CLSTN2: variants seen among roughly 807,000 people sequenced by gnomAD.
The protein encoded by CLSTN2 is calsyntenin 2.
A neutral mutation model predicts 101.2 loss-of-function variants in CLSTN2; 48 were observed. The ratio of observed to expected loss-of-function variants is 0.47; its 90% CI spans 0.38 to 0.60. CLSTN2 has a LOEUF of 0.60. Ranked by LOEUF, CLSTN2 falls within the 20% of genes least tolerant of loss-of-function variation. CLSTN2 has a pLI of 0.00. For synonymous variants in CLSTN2, 481 were observed against 463.6 expected (o/e 1.04, Z -0.48); for missense variants, 1,160 against 1,238.2 (o/e 0.94, Z 0.95).
intron 2 of CLSTN2, among the ~76,000 whole-genome samples, chr3:140,179,782 A>C (rs979845947): frequency 6.6e-6 from 1 of 152,020 alleles, no homozygotes; most frequent in African/African-American, 2.4e-5. Context: ...TGAGTGTTCT[A>C]GAGTTTACCA....
At chr3:140,109,688 T>G (rs1032416218) in intron 1 of CLSTN2, among the ~76,000 whole-genome samples, 1 of 152,152 alleles carries the variant, frequency 6.6e-6, no homozygotes, top group Admixed American at 6.5e-5. Context: ...CTAAGGAAGT[T>G]CCCAGGGTTG....
At chr3:140,171,979 T>C (rs1420094610) in intron 1 of CLSTN2, among the ~76,000 whole-genome samples, 1 of 145,884 alleles carries the variant, frequency 6.9e-6, no homozygotes, top group Non-Finnish European at 1.5e-5. Flanking sequence ...TACTTATTAA[T>C]TTTTAACCAT....
intron 2 of CLSTN2, among the ~76,000 whole-genome samples, chr3:140,234,734 G>A (rs980269216): frequency 3.9e-5 from 6 of 152,134 alleles, no homozygotes; most frequent in Admixed American, 6.6e-5. Context: ...GTGGCTCTAC[G>A]TGTTTCACTT....
intron 1 of CLSTN2, among the ~76,000 whole-genome samples, chr3:139,978,938 A>G (rs918292494): frequency 7.9e-5 from 12 of 152,204 alleles, no homozygotes; most frequent in Non-Finnish European, 1.3e-4. Context: ...CAAGCCCTGT[A>G]GAGTGATTTG....
chr3:140,318,982 A>C (rs1283728730), intron 2 of CLSTN2, among the ~76,000 whole-genome samples: 1 of 152,172 alleles, frequency 6.6e-6, no homozygotes, highest in Non-Finnish European at 1.5e-5. Context: ...TTACTGTGAG[A>C]ATCCATAAAT....
intron 2 of CLSTN2, among the ~76,000 whole-genome samples, chr3:140,285,750 T>TA (rs1284074715): frequency 6.6e-6 from 1 of 152,166 alleles, no homozygotes; most frequent in Non-Finnish European, 1.5e-5. Context: ...ATTTCTGGGC[T>TA]AAAATAAAGG....
At chr3:140,115,086 G>C (rs1560099129) in intron 1 of CLSTN2, among the ~76,000 whole-genome samples, 1 of 152,164 alleles carries the variant, frequency 6.6e-6, no homozygotes, top group South Asian at 2.1e-4. Context: ...GTAGTTCCCT[G>C]AAAGGAAGAA....
chr3:140,293,735 G>A (rs1284488554), intron 2 of CLSTN2, among the ~76,000 whole-genome samples: 1 of 152,072 alleles, frequency 6.6e-6, no homozygotes, highest in African/African-American at 2.4e-5. Context: ...TGATGCTGAG[G>A]CACCCTGACA....
intron 9 of CLSTN2, among the ~76,000 whole-genome samples, chr3:140,540,363 C>T (rs1247835248): frequency 6.6e-6 from 1 of 152,194 alleles, no homozygotes; most frequent in Non-Finnish European, 1.5e-5. Flanking sequence ...TCCCCACAAG[C>T]CACCTGCAGC....
chr3:140,251,584 G>GTTCCTTTCCTTTCCTTTCTTTCCT (rs2086563964), intron 2 of CLSTN2, among the ~76,000 whole-genome samples: 2 of 117,486 alleles, frequency 1.7e-5, no homozygotes, highest in Non-Finnish European at 3.4e-5. Flanking sequence ...CTTAGCTTCC[G>GTTCCTTTCCTTTCCTTTCTTTCCT]TTCCTTTCCT....
intron 2 of CLSTN2, among the ~76,000 whole-genome samples, chr3:140,335,527 C>T (rs1294523126): frequency 6.6e-6 from 1 of 151,812 alleles, no homozygotes; most frequent in Non-Finnish European, 1.5e-5. Flanking sequence ...ACAGTGCAGC[C>T]CCCAGTTCTG....
chr3:140,568,064 G>C lies in CLSTN2; in HGVS notation c.*1811G>C, dbSNP rs1258699160. Reference sequence around the variant, plus strand: ...ACATTTTTGTGATGAGTAAACTGAGGCTTCGTGATTCAATGTCTTGTTCAG... The same window carrying C: ...ACATTTTTGTGATGAGTAAACTGAGCCTTCGTGATTCAATGTCTTGTTCAG... On this transcript the variant is annotated 3_prime_UTR_variant, in exon 17 of 17. Transcript: ENST00000458420. 6 of 152,142 alleles carry C rather than the reference G, an allele frequency of 3.9e-5. No homozygotes were observed. The East Asian group carries it at 1.2e-3, about 29-fold the overall frequency. The allele number at this position is 152,142 out of a possible 1,614,324, so 9.4% of individuals were successfully genotyped here.
chr3:140,466,126 T>G (rs1933696026), intron 7 of CLSTN2, among the ~76,000 whole-genome samples: 1 of 152,118 alleles, frequency 6.6e-6, no homozygotes, highest in African/African-American at 2.4e-5. Flanking sequence ...TTCATATAGA[T>G]TAGGTAGACA....
rs908217480 is a variant in CLSTN2 at position 140,571,228 on chromosome 3, G to A, written c.*4975G>A. 1.3e-5 allele frequency: 2 copies of A among 152,142 alleles called. No homozygotes were observed. Among genetic ancestry groups the A allele is most frequent in the Middle Eastern group, 3.2e-3 (1 of 316 alleles). 9.4% of individuals were successfully genotyped at this position (152,142 alleles called of 1,614,324 possible). A position where few individuals can be genotyped will look rare whatever the true frequency, so the allele number is the denominator to read the frequency against. ...CTACTCTTGCCATTGCTCTAAAAAT[G>A]ATCCTAAAGACTTGTGACTGTTTGA... On this transcript the variant is annotated 3_prime_UTR_variant, in exon 17 of 17. Transcript: ENST00000458420.
intron 8 of CLSTN2, among the ~76,000 whole-genome samples, chr3:140,493,716 CTTTGCCTACA>C (rs1934395067): frequency 6.6e-6 from 1 of 152,182 alleles, no homozygotes; most frequent in Non-Finnish European, 1.5e-5. Flanking sequence ...GCTCTACGAG[CTTTGCCTACA>C]TTTACTCTTT....
intron 1 of CLSTN2, among the ~76,000 whole-genome samples, chr3:140,168,780 A>G (rs113875506): frequency 0.014 from 2,094 of 152,126 alleles, 54 homozygotes; most frequent in African/African-American, 0.048. Context: ...TTGTCTTAGA[A>G]CCTTTGTCAG....
At chr3:139,996,746 C>G (rs1228511143) in intron 1 of CLSTN2, among the ~76,000 whole-genome samples, 1 of 152,038 alleles carries the variant, frequency 6.6e-6, no homozygotes, top group Non-Finnish European at 1.5e-5. Flanking sequence ...GTTTAATTAT[C>G]TGTGAAAATA....
At chr3:140,209,675 G>A (rs1322807091) in intron 2 of CLSTN2, among the ~76,000 whole-genome samples, 1 of 152,222 alleles carries the variant, frequency 6.6e-6, no homozygotes, top group East Asian at 1.9e-4. Flanking sequence ...GGCTAAGGAT[G>A]CAGAGGACAC....
In CLSTN2 at chr3:140,387,127, T is replaced by C. The variant is rs540979739; in HGVS notation, c.233-16502T>C. ...TACAGATTCTTGCCTCATGGAGCTC[T>C]GAGGAGAAAAAAGATGGGTGAACAC... On this transcript the variant is annotated intron_variant, in intron 2 of 16. Coordinates refer to ENST00000458420, the MANE Select transcript of CLSTN2 (RefSeq NM_022131.3). Among the ~76,000 whole-genome samples the C allele has an allele frequency of 2.1e-4, 32 of 152,220 alleles. 1 individual carries two copies. The South Asian group carries it at 6.4e-3, about 31-fold the overall frequency.
Sources: allele counts gnomAD v4.1 joint callset (sites outside exome capture counted in the v4.1 genomes callset), GRCh38; gene constraint gnomAD v4.1.1; transcripts MANE v1.5; gene names NCBI Gene and HGNC (gene_info 2026-07-23, HGNC 2026-07-21).